Variants in DICER1 observed in about 807,000 individuals in gnomAD.
The protein encoded by DICER1 is dicer 1, ribonuclease III.
A neutral mutation model predicts 194.1 loss-of-function variants in DICER1; 43 were observed. The ratio of observed to expected loss-of-function variants is 0.22; its 90% CI spans 0.17 to 0.29. The LOEUF is 0.29. Ranked by LOEUF, DICER1 falls within the 10% of genes least tolerant of loss-of-function variation. The probability of loss-of-function intolerance (pLI) is 1.00; values close to 1 mark genes in which losing one functional copy is unlikely to be tolerated. For missense variants in DICER1, 1,608 were observed against 2,317.0 expected, an observed-to-expected ratio of 0.69 and a Z score of 6.28; for synonymous variants, 832 against 820.5, an observed-to-expected ratio of 1.01 and a Z score of -0.24.
At chr14:95,122,331 C>T (rs1892999377) in intron 8 of DICER1, among the ~76,000 whole-genome samples, 1 of 152,130 alleles carries the variant, frequency 6.6e-6, no homozygotes, top group African/African-American at 2.4e-5. Context: ...CTCTCCAAGC[C>T]CCAGAAAATT....
chr14:95,118,089 C>T (rs1704617841), intron 8 of DICER1, among the ~76,000 whole-genome samples: 2 of 152,166 alleles, frequency 1.3e-5, no homozygotes, highest in Admixed American at 1.3e-4. Context: ...AAACACGGAT[C>T]CTCATAGATC....
chr14:95,094,211 C>T, intron 23 of DICER1, 55 bp from the exon 24 acceptor site: 4 of 1,603,420 alleles, frequency 2.5e-6, no homozygotes, highest in Admixed American at 1.7e-5. Context: ...TACACTATCC[C>T]CACATAGCAA....
At position 95,133,347 on chromosome 14, in the gene DICER1, G is replaced by T. The variant is rs1595468689; in HGVS notation, c.112C>A (p.His38Asn). ...FGLPWQQEAI[H>N]DNIYTPRKYQ... ...TTTCTTGGCGTATAAATGTTATCAT[G>T]AATTGCTTCTTGTTGCCATGGCAGT... The change falls in exon 2 of 27, where the codon CAT (histidine) becomes AAT (asparagine). Residue 38 changes from histidine (H) to asparagine (N), a missense_variant. His to Asn is a moderately conservative substitution (Grantham distance 68). This residue lies in a region of DICER1 where 657 missense variants were observed against 910.1 expected (regional missense o/e 0.72). Coordinates refer to ENST00000343455, the MANE Select transcript of DICER1 (RefSeq NM_177438.3). The T allele has an allele frequency of 6.2e-7, 1 of 1,614,126 alleles. No individual in the cohort carries two copies. The highest frequency in any genetic ancestry group is 1.7e-5 in the Admixed American group (1 of 60,004).
In DICER1 at chr14:95,090,351, T is replaced by G. The variant is rs1595309402; in HGVS notation, c.*147A>C. ...TACATATGTTAAATGTTTTATTCTG[T>G]TATCTATCCTGTTATCAACCAAACT... is the stretch of plus-strand genomic sequence containing the variant. On this transcript the variant is annotated 3_prime_UTR_variant, in exon 27 of 27. Coordinates refer to ENST00000343455, the MANE Select transcript of DICER1 (RefSeq NM_177438.3). The G allele has an allele frequency of 1.2e-6, 1 of 858,704 alleles. No homozygotes were observed. Among genetic ancestry groups the G allele is most frequent in the African/African-American group, 1.7e-5 (1 of 58,642 alleles). The allele number at this position is 858,704 out of a possible 1,614,324, so 53.2% of individuals were successfully genotyped here. A position where few individuals can be genotyped will look rare whatever the true frequency, so the allele number is the denominator to read the frequency against.
chr14:95,157,798 ACT>A (rs1319999938), upstream of DICER1: 1 of 151,646 alleles, frequency 6.6e-6, no homozygotes, highest in Non-Finnish European at 1.5e-5. Flanking sequence ...AGTTTGGCAG[ACT>A]CTCTGAGCTC....
At chr14:95,157,715 T>G (rs1895994148), upstream of DICER1, 1 of 152,128 alleles carries the variant, frequency 6.6e-6, no homozygotes, top group South Asian at 2.1e-4. Flanking sequence ...GCGCCTGGAC[T>G]GGACCTTGGC....
At chr14:95,150,769 C>G (rs781540684) in intron 1 of DICER1, among the ~76,000 whole-genome samples, 5 of 152,176 alleles carry the variant, frequency 3.3e-5, no homozygotes, top group Non-Finnish European at 5.9e-5. Flanking sequence ...CCCCTTTAAT[C>G]CAAGTGACAA....
At chr14:95,152,382 C>T (rs1291032438) in intron 1 of DICER1, among the ~76,000 whole-genome samples, 1 of 152,130 alleles carries the variant, frequency 6.6e-6, no homozygotes, top group East Asian at 1.9e-4. Flanking sequence ...ATATTCTTCC[C>T]CACAAAACTG....
chr14:95,104,407 G>C (rs745937868), intron 20 of DICER1, among the ~76,000 whole-genome samples: 2 of 152,166 alleles, frequency 1.3e-5, no homozygotes, highest in Non-Finnish European at 2.9e-5. Flanking sequence ...TAGCTTCACG[G>C]GTTGGAATCC....
At position 95,108,646 on chromosome 14, in the gene DICER1, T is replaced by C. The variant is rs535565909; in HGVS notation, c.2257-143A>G. On this transcript the variant is annotated intron_variant, in intron 14 of 26. Transcript: ENST00000343455. ...AAAATACCCGAGGCATGACACTTCT[T>C]AATTACTTAACCCTGCTGGGTAAGT... 3.7e-6 allele frequency: 3 copies of C among 815,754 alleles called. No individual in the cohort carries two copies. In the African/African-American group the frequency reaches 5.1e-5, roughly 14 times the overall value. The allele number at this position is 815,754 out of a possible 1,614,324, so 50.5% of individuals were successfully genotyped here.
chr14:95,099,812 T>A lies in DICER1; in HGVS notation c.4174A>T (p.Ser1392Cys), dbSNP rs1890714787. Residue 1392 changes from serine to cysteine, a missense_variant, in exon 22 of 27, where the codon AGC (serine) becomes TGC (cysteine). Ser to Cys is a moderately radical substitution (Grantham distance 112). Coordinates refer to ENST00000343455, the MANE Select transcript of DICER1 (RefSeq NM_177438.3). ...PPGYVVNQDK[S>C]NTDKWEKDEM... ...TCTTTTTCCCATTTATCTGTGTTGC[T>A]TTTGTCTTGATTTACTACATAACCA... 1.2e-6 allele frequency: 2 copies of A among 1,613,758 alleles called. No individual in the cohort carries two copies. Among genetic ancestry groups the A allele is most frequent in the Admixed American group, 1.7e-5 (1 of 59,982 alleles).
rs139980498 is a variant in DICER1, at chr14:95,128,900, T to C, written c.734+572A>G. On this transcript the variant is annotated intron_variant, in intron 6 of 26. Transcript: ENST00000343455. Reference sequence around the variant, plus strand: ...CATTTGAAAAGCCATTTTCCTAATTTGTAAAGGCTCCCTTCCACCAACCTA... The same window carrying C: ...CATTTGAAAAGCCATTTTCCTAATTCGTAAAGGCTCCCTTCCACCAACCTA... 2.7e-4 allele frequency among the ~76,000 whole-genome samples: 41 copies of C among 152,338 alleles called. No individual in the cohort carries two copies. The East Asian group carries it at 7.1e-3, about 26-fold the overall frequency.
At position 95,103,979 on chromosome 14, in the gene DICER1, T is replaced by C. The variant is rs750104632; in HGVS notation, c.3417A>G (p.Arg1139=). 3.1e-6 allele frequency: 5 copies of C among 1,614,192 alleles called. No homozygotes were observed. The highest frequency in any genetic ancestry group is 1.6e-4 in the Middle Eastern group (1 of 6,062). ...GGTCATGATTTTCTAGAGAGGAGGT[T>C]CTATTAGCACCTTGATGTGCAGCAT... The part of the protein sequence containing the change: ...PENAAHQGAN[R]TSSLENHDQM... Residue 1139 remains arginine (R), a synonymous_variant, in exon 21 of 27, where the codon AGA becomes AGG. Coordinates refer to ENST00000343455, the MANE Select transcript of DICER1 (RefSeq NM_177438.3).
At position 95,129,982 on chromosome 14, in the gene DICER1, T is replaced by C. The variant is rs559942828; in HGVS notation, c.573+76A>G. 3.6e-4 allele frequency: 503 copies of C among 1,414,238 alleles called. 8 individuals are homozygous for C. The South Asian group carries it at 5.7e-3, about 16-fold the overall frequency. The allele number at this position is 1,414,238 out of a possible 1,614,324, so 87.6% of individuals were successfully genotyped here. Reference sequence around the variant, plus strand: ...ATATTGATAACTAATATTATTGCTTTTGAAATCTAAAAACAAAAATCTGCA... The same window carrying C: ...ATATTGATAACTAATATTATTGCTTCTGAAATCTAAAAACAAAAATCTGCA... On this transcript the variant is annotated intron_variant, in intron 5 of 26. Transcript: ENST00000343455.
At position 95,110,597 on chromosome 14, in the gene DICER1, C is replaced by G. The variant is rs1370591624; in HGVS notation, c.2256+720G>C. On this transcript the variant is annotated intron_variant, in intron 14 of 26. Coordinates refer to ENST00000343455, the MANE Select transcript of DICER1 (RefSeq NM_177438.3). ...GGATCGGTACTATCTGCAGTTTCCACTGTGGGTCTTGGAACATACCCTCCA... is the reference window on the plus strand; with the variant it reads ...GGATCGGTACTATCTGCAGTTTCCAGTGTGGGTCTTGGAACATACCCTCCA... Among the ~76,000 whole-genome samples the G allele has an allele frequency of 2.0e-5, 3 of 152,168 alleles. No individual in the cohort carries two copies. In the East Asian group the frequency reaches 5.8e-4, roughly 29 times the overall value.
At chr14:95,135,989 T>C (rs1048352779) in intron 1 of DICER1, among the ~76,000 whole-genome samples, 8 of 152,148 alleles carry the variant, frequency 5.3e-5, no homozygotes, top group African/African-American at 1.9e-4. Context: ...ACAATACTCT[T>C]ATTGTTAGAA....
At chr14:95,097,162 G>A (rs553550140) in intron 22 of DICER1, among the ~76,000 whole-genome samples, 9 of 152,186 alleles carry the variant, frequency 5.9e-5, no homozygotes, top group East Asian at 3.9e-4. Flanking sequence ...CTAATAAAAC[G>A]AAATTCCAGA....
At chr14:95,131,155 G>A (rs983593249) in intron 4 of DICER1, among the ~76,000 whole-genome samples, 1 of 151,908 alleles carries the variant, frequency 6.6e-6, no homozygotes, top group Non-Finnish European at 1.5e-5. Context: ...TCAGCCTCCC[G>A]AGTACCTAGG....
chr14:95,129,514 T>C lies in DICER1; in HGVS notation c.692A>G (p.Lys231Arg), dbSNP rs754799308. 1.2e-6 allele frequency: 2 copies of C among 1,613,994 alleles called. No homozygotes were observed. Among genetic ancestry groups the C allele is most frequent in the Non-Finnish European group, 1.7e-6 (2 of 1,179,904 alleles). ...GTCAGTTGCAGTTTCAGCATTACTC[T>C]TAAGAATTTTCTCTAGTTTCTGAAT... ...EKIQKLEKIL[K>R]SNAETATDLV... The change falls in exon 6 of 27, where the codon AAG becomes AGG. Residue 231 changes from lysine to arginine, a missense_variant. This residue lies in a region of DICER1 where 657 missense variants were observed against 910.1 expected (regional missense o/e 0.72). Transcript: ENST00000343455.
Sources: gnomAD v4.1 joint callset for allele counts (sites outside exome capture counted in the v4.1 genomes callset) on GRCh38, gnomAD v4.1.1 for gene constraint, gnomAD v4.1.1 regional missense constraint, MANE v1.5 for transcripts, NCBI Gene and HGNC (gene_info 2026-07-23, HGNC 2026-07-21) for gene names.